The following IGSF9 variants were observed in gnomAD, a reference collection of about 807,000 sequenced individuals.
The protein encoded by IGSF9 is protein turtle homolog A.
IGSF9 carries 87 observed loss-of-function variants against 121.7 expected under a neutral mutation model. The ratio of observed to expected loss-of-function variants is 0.71; its 90% CI spans 0.60 to 0.85. The LOEUF is 0.85. Among genes scored for constraint, IGSF9 ranks in the 40% least tolerant of loss-of-function variants. The pLI, the probability that IGSF9 is intolerant of heterozygous loss-of-function variation, is 0.00. For missense variants in IGSF9, 1,462 were observed against 1,565.3 expected (o/e 0.93, Z 1.11); for synonymous variants, 640 against 648.4 (o/e 0.99, Z 0.20).
chr1:159,940,698 G>C (rs1237889171), intron 3 of IGSF9, among the ~76,000 whole-genome samples: 1 of 152,220 alleles, frequency 6.6e-6, no homozygotes, highest in Admixed American at 6.5e-5. Flanking sequence ...ACTGGGCAGA[G>C]GATTAAGAAT....
In IGSF9 at chr1:159,931,690, TC is replaced by T; in HGVS notation, c.1363-88del. ...CATCTCTCCAGGCAGCTCCAGTTCC[TC>T]CCCACCCTGCCTCTGACAGCCTTCT... On this transcript the variant is annotated intron_variant, in intron 11 of 20. Transcript: ENST00000368094. The surrounding 1 kb of genome is among the most constrained non-coding windows in gnomAD (Gnocchi z 4.8). The T allele has an allele frequency of 6.5e-7, 1 of 1,535,170 alleles. No homozygotes were observed. The highest frequency in any genetic ancestry group is 1.2e-5 in the South Asian group (1 of 85,294).
chr1:159,930,851 G>C lies in IGSF9; in HGVS notation c.1654C>G (p.Arg552Gly). ...WYTPLAKRPD[R>G]MHHDWVSLAV... ...AAGGACACCCAGTCATGGTGCATTC[G>C]GTCAGGACGCTTGGCCCTGGGAGAC... Residue 552 changes from arginine to glycine, a missense_variant, in exon 14 of 21, where the codon CGA (arginine) becomes GGA (glycine). Coordinates refer to ENST00000368094, the MANE Select transcript of IGSF9 (RefSeq NM_001135050.2). 1 of 1,608,032 alleles carries C rather than the reference G, an allele frequency of 6.2e-7. No homozygotes were observed.
chr1:159,931,502 G>A lies in IGSF9; in HGVS notation c.1464C>T (p.Ala488=), dbSNP rs1339964117. Residue 488 remains alanine, a synonymous_variant, in exon 12 of 21, where the codon GCC becomes GCT. Coordinates refer to ENST00000368094, the MANE Select transcript of IGSF9 (RefSeq NM_001135050.2). The surrounding 1 kb of genome is among the most constrained non-coding windows in gnomAD (Gnocchi z 4.8). Reference sequence around the variant, plus strand: ...TGGCCACTCGGGCCACAGCATTGCTGGCACTGCATTCCCAGTGCCCGTGGG... The same window carrying A: ...TGGCCACTCGGGCCACAGCATTGCTAGCACTGCATTCCCAGTGCCCGTGGG... ...KEAHGHWECS[A]SNAVARVATS... is the part of the protein sequence containing the mutation. The A allele has an allele frequency of 6.2e-7, 1 of 1,614,042 alleles. No homozygotes were observed. Among genetic ancestry groups the A allele is most frequent in the African/African-American group, 1.3e-5 (1 of 74,926 alleles).
chr1:159,927,891 T>TAA lies in IGSF9; in HGVS notation c.3231-6_3231-5dup. The stretch of plus-strand genomic sequence containing the variant: ...CTCGTCCACAGATGTGTTCCTCCTG[T>TAA]AAAAAAAAAAAAAAAGACAAACATA... On this transcript the variant is annotated splice_region_variant and splice_polypyrimidine_tract_variant and intron_variant, in intron 19 of 20. Coordinates refer to ENST00000368094, the MANE Select transcript of IGSF9 (RefSeq NM_001135050.2). 3 of 1,544,724 alleles carry TAA rather than the reference T, an allele frequency of 1.9e-6. No individual in the cohort carries two copies. The highest frequency in any genetic ancestry group is 2.6e-6 in the Non-Finnish European group (3 of 1,136,454).
intron 9 of IGSF9, chr1:159,933,325 A>G (rs925082711): frequency 6.6e-6 from 1 of 152,294 alleles, no homozygotes; most frequent in African/African-American, 2.4e-5. Flanking sequence ...AGTGGCTCCA[A>G]CTGCCTGTAG....
Position 159,932,253 on chromosome 1 carries a change from C to T in IGSF9, c.1245+259G>A, listed in dbSNP as rs1183580226. 5 of 582,002 alleles carry T rather than the reference C, an allele frequency of 8.6e-6. No individual in the cohort carries two copies. The highest frequency in any genetic ancestry group is 1.9e-5 in the African/African-American group (1 of 53,236). 36.1% of individuals were successfully genotyped at this position (582,002 alleles called of 1,614,324 possible). ...GCCCCAGAGAGGGAGGCAGCACGGTCAAGGTTAGTGAGAGTTGGGGCAAAC... is the reference window on the plus strand; with the variant it reads ...GCCCCAGAGAGGGAGGCAGCACGGTTAAGGTTAGTGAGAGTTGGGGCAAAC... On this transcript the variant is annotated intron_variant, in intron 10 of 20. Coordinates refer to ENST00000368094, the MANE Select transcript of IGSF9 (RefSeq NM_001135050.2). This position sits in a 1 kb window ranked among gnomAD's most constrained non-coding sequence, Gnocchi z 4.1.
chr1:159,931,855 C>A lies in IGSF9; in HGVS notation c.1319G>T (p.Cys440Phe). ...QEVGRELLIP[C>F]SAQGDPPPVV... ...AGGAGGAGGGTCCCCTTGGGCGGAGCAGGGGATGAGCAGCTCCCGCCCTAC... is the reference window on the plus strand; with the variant it reads ...AGGAGGAGGGTCCCCTTGGGCGGAGAAGGGGATGAGCAGCTCCCGCCCTAC... Residue 440 changes from cysteine (C) to phenylalanine (F), a missense_variant, in exon 11 of 21, where the codon TGC (cysteine) becomes TTC (phenylalanine). By Grantham distance (205) the Cys-to-Phe change is radical. Transcript: ENST00000368094. This position sits in a 1 kb window ranked among gnomAD's most constrained non-coding sequence, Gnocchi z 4.8. 6.3e-7 allele frequency: 1 copy of A among 1,595,854 alleles called. No homozygotes were observed. Among genetic ancestry groups the A allele is most frequent in the Non-Finnish European group, 8.5e-7 (1 of 1,173,600 alleles).
At chr1:159,942,712 G>C (rs1489559910) in intron 3 of IGSF9, among the ~76,000 whole-genome samples, 1 of 151,658 alleles carries the variant, frequency 6.6e-6, no homozygotes, top group Non-Finnish European at 1.5e-5. Flanking sequence ...AGACCACGTG[G>C]AGTCCTAAAT....
At chr1:159,945,220 C>T (rs1435042965) in intron 1 of IGSF9, among the ~76,000 whole-genome samples, 3 of 151,842 alleles carry the variant, frequency 2.0e-5, no homozygotes, top group Admixed American at 6.6e-5. Context: ...TCTCCCCATC[C>T]TCTCCTCCCG....
rs1229683918 is a variant in IGSF9 at position 159,930,392 on chromosome 1, G to T, written c.1861C>A (p.Pro621Thr). The change falls in exon 15 of 21, where the codon CCG (proline) becomes ACG (threonine). Residue 621 changes from proline to threonine, a missense_variant. Physicochemically the swap from Pro to Thr is conservative, Grantham distance 38. This residue lies in a region of IGSF9 where 808 missense variants were observed against 815.2 expected (regional missense o/e 0.99). Transcript: ENST00000368094. ...CCCCGCGGAGGGGACAGGGGAGGCG[G>T]TATCTCTGTTGGGGGAAGCCCGGGT... ...AAPGLPPTEI[P>T]PPLSPPRGLV... is the part of the protein sequence containing the mutation. The T allele has an allele frequency of 6.4e-7, 1 of 1,571,804 alleles. No homozygotes were observed. Among genetic ancestry groups the T allele is most frequent in the Non-Finnish European group, 8.6e-7 (1 of 1,157,762 alleles).
At position 159,927,781 on chromosome 1, in the gene IGSF9, G is replaced by C. The variant is rs769647904; in HGVS notation, c.3337C>G (p.Pro1113Ala). 1.2e-6 allele frequency: 2 copies of C among 1,613,850 alleles called. No homozygotes were observed. The highest frequency in any genetic ancestry group is 1.7e-6 in the Non-Finnish European group (2 of 1,179,952). Residue 1113 changes from proline to alanine, a missense_variant, in exon 20 of 21, where the codon CCT becomes GCT. By Grantham distance (27) the Pro-to-Ala change is conservative. Transcript: ENST00000368094. ...HLGLASSRLR[P>A]EAEPELGVKT... Reference sequence around the variant, plus strand: ...ACACCTAGCTCTGGCTCAGCTTCAGGTCTGAGCCGGGAGCTGGCCAAGCCC... The same window carrying C: ...ACACCTAGCTCTGGCTCAGCTTCAGCTCTGAGCCGGGAGCTGGCCAAGCCC...
chr1:159,943,304 GC>G, intron 2 of IGSF9, 92 bp downstream of exon 2: 4 of 1,368,674 alleles, frequency 2.9e-6, no homozygotes, highest in Non-Finnish European at 3.9e-6. Context: ...TTCCTCCCCT[GC>G]CCTCACATGC....
chr1:159,934,820 G>T lies in IGSF9; in HGVS notation c.676C>A (p.Pro226Thr). The stretch of plus-strand genomic sequence containing the variant: ...TTGGGGGGCACCACGATGACTGGGG[G>T]TCCTGTGGGATGCACAAGGGGAGGA... The part of the protein sequence containing the change: ...THATQLLVLG[P>T]PVIVVPPKNS... The change falls in exon 7 of 21, where the codon CCC (proline) becomes ACC (threonine). Residue 226 changes from proline (P) to threonine (T), a missense_variant and splice_region_variant. Physicochemically the swap from Pro to Thr is conservative, Grantham distance 38. Coordinates refer to ENST00000368094, the MANE Select transcript of IGSF9 (RefSeq NM_001135050.2). The T allele has an allele frequency of 6.2e-7, 1 of 1,614,022 alleles. No homozygotes were observed. Among genetic ancestry groups the T allele is most frequent in the Non-Finnish European group, 8.5e-7 (1 of 1,179,978 alleles).
At chr1:159,944,642 C>T (rs1206370890) in intron 1 of IGSF9, among the ~76,000 whole-genome samples, 1 of 152,184 alleles carries the variant, frequency 6.6e-6, no homozygotes, top group African/African-American at 2.4e-5. Context: ...GAGCTTCTGA[C>T]AGCCCCACAG....
chr1:159,927,625 C>G, intron 20 of IGSF9, 99 bp from the exon 21 acceptor site: 1 of 1,537,382 alleles, frequency 6.5e-7, no homozygotes, highest in Non-Finnish European at 8.8e-7. Flanking sequence ...ACAGATGGCC[C>G]AAGGGGGCAA....
Position 159,943,501 on chromosome 1 carries a change from A to G in IGSF9, c.-47T>C, listed in dbSNP as rs760830491. ...CAGCCCCTCCTATCCACAGGAGCCC[A>G]GATGGAGGGGCCAAGGGATGTCCTT... is the stretch of plus-strand genomic sequence containing the variant. On this transcript the variant is annotated 5_prime_UTR_variant, in exon 2 of 21. Coordinates refer to ENST00000368094, the MANE Select transcript of IGSF9 (RefSeq NM_001135050.2). 6.7e-7 allele frequency: 1 copy of G among 1,491,442 alleles called. No individual in the cohort carries two copies. Among genetic ancestry groups the G allele is most frequent in the Non-Finnish European group, 9.0e-7 (1 of 1,116,968 alleles). 92.4% of individuals were successfully genotyped at this position (1,491,442 alleles called of 1,614,324 possible).
chr1:159,934,927 G>A (rs1462812613), intron 6 of IGSF9, 105 bp from the exon 7 acceptor site: 20 of 1,382,678 alleles, frequency 1.4e-5, no homozygotes, highest in Middle Eastern at 5.1e-4. Flanking sequence ...GGAATCTTAG[G>A]GCTCGTTGTT....
In IGSF9 at chr1:159,931,529, C is replaced by G; in HGVS notation, c.1437G>C (p.Glu479Asp). The change falls in exon 12 of 21, where the codon GAG becomes GAC. Residue 479 changes from glutamate (E) to aspartate (D), a missense_variant. This residue lies in a region of IGSF9 where 96 missense variants were observed against 150.7 expected (regional missense o/e 0.64). Transcript: ENST00000368094. The surrounding 1 kb of genome is among the most constrained non-coding windows in gnomAD (Gnocchi z 4.8). ...CACTGCATTCCCAGTGCCCGTGGGC[C>G]TCCTTGGTCAATGGTCGCAGGATGA... ...SSLILRPLTK[E>D]AHGHWECSAS... 1 of 1,614,168 alleles carries G rather than the reference C, an allele frequency of 6.2e-7. No homozygotes were observed. The highest frequency in any genetic ancestry group is 8.5e-7 in the Non-Finnish European group (1 of 1,180,010).
chr1:159,943,350 CACCCCAAGGCTAACAGGGCATTCTTG>C (rs779607541), intron 2 of IGSF9, 21 bp downstream of exon 2: 3 of 1,494,982 alleles, frequency 2.0e-6, no homozygotes, highest in East Asian at 4.8e-5. Context: ...CCCCCATACC[CACCCCAAGGCTAACAGGGCATTCTTG>C]AGCCCAAGAG....
Sources: allele counts gnomAD v4.1 joint callset (sites outside exome capture counted in the v4.1 genomes callset), GRCh38; gene constraint gnomAD v4.1.1; regional missense constraint gnomAD v4.1.1; non-coding constraint Gnocchi (gnomAD v3.1); transcripts MANE v1.5; gene names NCBI Gene and HGNC (gene_info 2026-07-23, HGNC 2026-07-21).